Variants in FBXL7 observed in about 807,000 individuals in gnomAD.
FBXL7 encodes the protein F-box and leucine rich repeat protein 7.
In FBXL7, 12 loss-of-function variants were observed where a neutral mutation model predicts 38.3. The observed-to-expected ratio is 0.31, with a 90% CI of 0.20 to 0.51. The LOEUF (loss-of-function observed/expected upper bound fraction) is 0.51, where lower values mean the gene tolerates loss of function less well. Ranked by LOEUF, FBXL7 falls within the 20% of genes least tolerant of loss-of-function variation. The pLI, the probability that FBXL7 is intolerant of heterozygous loss-of-function variation, is 0.98. For synonymous variants in FBXL7, 297 were observed against 300.9 expected (o/e 0.99, Z 0.13); for missense variants, 567 against 676.4 (o/e 0.84, Z 1.79).
chr5:15,580,639 C>T, intron 1 of FBXL7: 1 of 985,410 alleles, frequency 1.0e-6, no homozygotes, highest in South Asian at 4.7e-5. Context: ...CCATGCTTGC[C>T]TGGGAGAAAA....
intron 2 of FBXL7, among the ~76,000 whole-genome samples, chr5:15,890,604 G>T (rs570208444): frequency 6.6e-6 from 1 of 152,248 alleles, no homozygotes; most frequent in South Asian, 2.1e-4. Context: ...GACCTAGGTT[G>T]CACGCCCTTT....
rs139246110 is a variant in FBXL7 at position 15,934,675 on chromosome 5, T to C, written c.740-1775T>C. On this transcript the variant is annotated intron_variant, in intron 3 of 3. Coordinates refer to ENST00000504595, the MANE Select transcript of FBXL7 (RefSeq NM_012304.5). ...AAATAAAAGACATTATCATTAACTA[T>C]AAAACAGACAACTGTTTTTCAATGT... Among the ~76,000 whole-genome samples the C allele has an allele frequency of 1.9e-4, 29 of 152,306 alleles. 1 individual carries two copies. The highest frequency in any genetic ancestry group is 5.8e-4 in the African/African-American group (24 of 41,578).
intron 1 of FBXL7, among the ~76,000 whole-genome samples, chr5:15,552,093 T>C (rs1738091318): frequency 6.6e-6 from 1 of 152,224 alleles, no homozygotes; most frequent in South Asian, 2.1e-4. Flanking sequence ...TCACAAAAGT[T>C]TGTGAGCCAT....
chr5:15,605,905 T>C (rs1365730165), intron 1 of FBXL7, among the ~76,000 whole-genome samples: 2 of 152,206 alleles, frequency 1.3e-5, no homozygotes, highest in Non-Finnish European at 2.9e-5. Context: ...GACAGCATCT[T>C]AGGGGAAGAG....
chr5:15,632,615 A>G (rs1006497272), intron 2 of FBXL7, among the ~76,000 whole-genome samples: 1 of 152,198 alleles, frequency 6.6e-6, no homozygotes, highest in Non-Finnish European at 1.5e-5. Flanking sequence ...CATAGACTCA[A>G]CCTAGTTGCC....
intron 2 of FBXL7, among the ~76,000 whole-genome samples, chr5:15,761,958 CAAAT>C (rs1016572633): frequency 1.1e-4 from 16 of 152,152 alleles, no homozygotes; most frequent in African/African-American, 3.4e-4. Context: ...TGCTGTGTAA[CAAAT>C]AACCCCAAAA....
intron 2 of FBXL7, among the ~76,000 whole-genome samples, chr5:15,895,171 C>T (rs561216505): frequency 6.6e-6 from 1 of 152,190 alleles, no homozygotes; most frequent in East Asian, 1.9e-4. Context: ...GTGGCAAAAA[C>T]CTCAATTACC....
intron 2 of FBXL7, among the ~76,000 whole-genome samples, chr5:15,789,043 G>A (rs184193176): frequency 1.0e-3 from 159 of 152,038 alleles, no homozygotes; most frequent in African/African-American, 3.4e-3. Flanking sequence ...ATAGAGGCGG[G>A]ATTTCACGGT....
intron 2 of FBXL7, among the ~76,000 whole-genome samples, chr5:15,761,997 C>T (rs1736461401): frequency 6.6e-6 from 1 of 152,154 alleles, no homozygotes; most frequent in Non-Finnish European, 1.5e-5. Flanking sequence ...ATGCAACACA[C>T]GTTCATTATC....
intron 2 of FBXL7, among the ~76,000 whole-genome samples, chr5:15,804,478 T>C (rs1325263738): frequency 6.6e-6 from 1 of 152,108 alleles, no homozygotes; most frequent in Non-Finnish European, 1.5e-5. Context: ...CTAAAATAAA[T>C]AAATAAATAA....
intron 2 of FBXL7, among the ~76,000 whole-genome samples, chr5:15,721,003 G>A (rs975299682): frequency 1.3e-4 from 19 of 151,998 alleles, no homozygotes; most frequent in African/African-American, 4.6e-4. Context: ...CAATAGTGAT[G>A]TTTGACTTTA....
At chr5:15,667,403 T>C (rs1266194381) in intron 2 of FBXL7, among the ~76,000 whole-genome samples, 1 of 152,194 alleles carries the variant, frequency 6.6e-6, no homozygotes, top group Non-Finnish European at 1.5e-5. Context: ...TCTAAAACTT[T>C]AACTTCTTAC....
Position 15,601,330 on chromosome 5 carries a change from G to A in FBXL7, c.38-14653G>A, listed in dbSNP as rs114168692. Among the ~76,000 whole-genome samples, 964 of 152,232 alleles carry A rather than the reference G, an allele frequency of 6.3e-3. 7 individuals are homozygous for A. The highest frequency in any genetic ancestry group is 0.022 in the African/African-American group (910 of 41,520). Reference sequence around the variant, plus strand: ...TGTTATTAGCGTAAAAATGACTTTTGATTGATTTGTATTACAATGGAAATT... The same window carrying A: ...TGTTATTAGCGTAAAAATGACTTTTAATTGATTTGTATTACAATGGAAATT... On this transcript the variant is annotated intron_variant, in intron 1 of 3. Transcript: ENST00000504595.
chr5:15,543,957 C>T (rs573375799), intron 1 of FBXL7, among the ~76,000 whole-genome samples: 2 of 152,246 alleles, frequency 1.3e-5, no homozygotes, highest in East Asian at 3.9e-4. Flanking sequence ...GGGCACCATA[C>T]CAAATTTAGG....
Position 15,651,907 on chromosome 5 carries a change from G to A in FBXL7, c.127+35835G>A, listed in dbSNP as rs1741720591. Among the ~76,000 whole-genome samples the A allele has an allele frequency of 1.3e-5, 2 of 152,156 alleles. 1 individual carries two copies. The highest frequency in any genetic ancestry group is 4.1e-4 in the South Asian group (2 of 4,826). ...CACTGAAAATCTGTAGTTTAATATAGCCATCTTCATCATTGGTCTTAGCTA... is the reference window on the plus strand; with the variant it reads ...CACTGAAAATCTGTAGTTTAATATAACCATCTTCATCATTGGTCTTAGCTA... On this transcript the variant is annotated intron_variant, in intron 2 of 3. Transcript: ENST00000504595.
At chr5:15,556,515 G>A (rs140375218) in intron 1 of FBXL7, among the ~76,000 whole-genome samples, 64 of 152,212 alleles carry the variant, frequency 4.2e-4, no homozygotes, top group African/African-American at 1.3e-3. Context: ...TTATCTGGGC[G>A]TCCCGTGGTC....
chr5:15,691,633 T>G (rs1226848618), intron 2 of FBXL7, among the ~76,000 whole-genome samples: 1 of 152,148 alleles, frequency 6.6e-6, no homozygotes, highest in African/African-American at 2.4e-5. Flanking sequence ...TTTTCTTCTT[T>G]TGAGTGTATT....
Position 15,833,345 on chromosome 5 carries a change from G to A in FBXL7, c.128-94545G>A, listed in dbSNP as rs546391516. Among the ~76,000 whole-genome samples, 8 of 152,162 alleles carry A rather than the reference G, an allele frequency of 5.3e-5. No individual in the cohort carries two copies. The South Asian group carries it at 8.3e-4, about 16-fold the overall frequency. On this transcript the variant is annotated intron_variant, in intron 2 of 3. Transcript: ENST00000504595. ...TGGGGTCTCTTTGATAAGGGCACTC[G>A]TCTCATTCATGAGGTCAGAGCCCTC...
chr5:15,848,911 C>T (rs1006411913), intron 2 of FBXL7, among the ~76,000 whole-genome samples: 5 of 152,120 alleles, frequency 3.3e-5, no homozygotes, highest in Admixed American at 3.3e-4. Flanking sequence ...GGAAACAAAG[C>T]CCGAGTGAAT....
Sources: allele counts gnomAD v4.1 joint callset (sites outside exome capture counted in the v4.1 genomes callset), GRCh38; gene constraint gnomAD v4.1.1; transcripts MANE v1.5; gene names NCBI Gene and HGNC (gene_info 2026-07-23, HGNC 2026-07-21).